The following GPAT3 variants were observed in gnomAD, a reference collection of about 807,000 sequenced individuals.
GPAT3 encodes the protein 1-AGP acyltransferase 9.
A neutral mutation model predicts 58.8 loss-of-function variants in GPAT3; 53 were observed. That is an observed-to-expected ratio of 0.90 (90% confidence interval 0.72 to 1.13). GPAT3 has a LOEUF of 1.13. GPAT3 is among the 50% of genes most tolerant of loss of function. The pLI is 0.00. For synonymous variants in GPAT3, 197 were observed against 187.4 expected (o/e 1.05, Z -0.42); for missense variants, 511 against 527.6 (o/e 0.97, Z 0.31).
chr4:83,547,414 A>C (rs552216396), intron 2 of GPAT3, among the ~76,000 whole-genome samples: 9 of 151,204 alleles, frequency 6.0e-5, no homozygotes, highest in Admixed American at 2.0e-4. Flanking sequence ...CACCACGCCC[A>C]GCTAATTTTT....
intron 2 of GPAT3, among the ~76,000 whole-genome samples, chr4:83,560,305 AC>A (rs933115682): frequency 1.5e-4 from 23 of 152,136 alleles, no homozygotes; most frequent in African/African-American, 5.3e-4. Flanking sequence ...CCTGCTCTTC[AC>A]CAGTTTGATC....
intron 2 of GPAT3, among the ~76,000 whole-genome samples, chr4:83,567,494 C>T (rs1168638007): frequency 2.0e-5 from 3 of 152,156 alleles, no homozygotes; most frequent in Admixed American, 6.5e-5. Context: ...ATTACCTGGT[C>T]ATAATATGAT....
chr4:83,540,597 T>A (rs1724263968), intron 1 of GPAT3, among the ~76,000 whole-genome samples: 1 of 152,216 alleles, frequency 6.6e-6, no homozygotes, highest in Admixed American at 6.5e-5. Flanking sequence ...GAGGCTACTT[T>A]GTGGCCTACT....
chr4:83,549,915 G>A (rs1373115276), intron 2 of GPAT3, among the ~76,000 whole-genome samples: 2 of 151,646 alleles, frequency 1.3e-5, no homozygotes. Flanking sequence ...TAGAGATGGG[G>A]TTTCACCATG....
intron 3 of GPAT3, among the ~76,000 whole-genome samples, chr4:83,583,415 A>G (rs1386447217): frequency 6.6e-6 from 1 of 152,090 alleles, no homozygotes; most frequent in Non-Finnish European, 1.5e-5. Flanking sequence ...CACACCTGTA[A>G]TACTAGCACT....
chr4:83,592,599 A>G (rs1726644826), intron 6 of GPAT3, among the ~76,000 whole-genome samples: 2 of 152,228 alleles, frequency 1.3e-5, no homozygotes, highest in African/African-American at 2.4e-5. Context: ...TACCTCACTC[A>G]GTGACTTTTC....
chr4:83,537,819 T>C (rs1374512541), intron 1 of GPAT3, among the ~76,000 whole-genome samples: 1 of 152,108 alleles, frequency 6.6e-6, no homozygotes, highest in Non-Finnish European at 1.5e-5. Flanking sequence ...GGACCCTGGA[T>C]ACAGGTTTGC....
chr4:83,561,538 GTTTAC>G (rs1725125966), intron 2 of GPAT3, among the ~76,000 whole-genome samples: 1 of 152,074 alleles, frequency 6.6e-6, no homozygotes, highest in Non-Finnish European at 1.5e-5. Context: ...AAATCAATGA[GTTTAC>G]TTGCCAGTGT....
intron 6 of GPAT3, among the ~76,000 whole-genome samples, chr4:83,592,157 G>A (rs1465147015): frequency 6.6e-6 from 1 of 152,174 alleles, no homozygotes; most frequent in Admixed American, 6.5e-5. Context: ...GGTCAACAAA[G>A]AGTTGAGTAT....
intron 10 of GPAT3, 193 bp from the exon 11 acceptor site, chr4:83,598,451 G>C (rs1726930285): frequency 1.4e-6 from 1 of 712,144 alleles, no homozygotes; most frequent in South Asian, 1.9e-5. Flanking sequence ...TATGCACATG[G>C]TAAAAAATTA....
In GPAT3 at chr4:83,595,072, CCTGTTTG is replaced by C. The variant is rs1279858445; in HGVS notation, c.854+118_854+124del. ...CTGAGTCTCAAAACTGAAACAGAGC[CCTGTTTG>C]CTGTTGGATTTTTCTGGCAAATCAC... On this transcript the variant is annotated intron_variant, in intron 7 of 11. Transcript: ENST00000264409. The C allele has an allele frequency of 4.6e-6, 4 of 861,962 alleles. No individual in the cohort carries two copies. The East Asian group carries it at 1.0e-4, about 22-fold the overall frequency. 53.4% of individuals were successfully genotyped at this position (861,962 alleles called of 1,614,324 possible). A position where few individuals can be genotyped will look rare whatever the true frequency, so the allele number is the denominator to read the frequency against.
chr4:83,600,239 C>T (rs1727007592), intron 11 of GPAT3, among the ~76,000 whole-genome samples: 1 of 152,140 alleles, frequency 6.6e-6, no homozygotes, highest in Non-Finnish European at 1.5e-5. Context: ...TAGCTGCATT[C>T]TCCTGTGTGC....
intron 2 of GPAT3, among the ~76,000 whole-genome samples, chr4:83,549,711 T>TTTATTATTATTATTATTATTATTATTA: frequency 1.4e-5 from 2 of 142,872 alleles, no homozygotes; most frequent in African/African-American, 5.3e-5. Flanking sequence ...TTTGTATATA[T>TTTATTATTATTATTATTATTATTATTA]TTATTATTAT....
chr4:83,550,892 T>A (rs1724725504), intron 2 of GPAT3, among the ~76,000 whole-genome samples: 2 of 152,242 alleles, frequency 1.3e-5, no homozygotes, highest in Admixed American at 1.3e-4. Flanking sequence ...ACTAGAGTAC[T>A]GTGCATTTTA....
chr4:83,579,067 TTTC>T (rs1725985648), intron 2 of GPAT3, among the ~76,000 whole-genome samples: 2 of 30,416 alleles, frequency 6.6e-5, no homozygotes, highest in Non-Finnish European at 1.3e-4. Context: ...TCTTTCTTTC[TTTC>T]TTTCTTTCTT....
chr4:83,559,296 AG>A (rs1381105789), intron 2 of GPAT3, among the ~76,000 whole-genome samples: 1 of 152,062 alleles, frequency 6.6e-6, no homozygotes, highest in Non-Finnish European at 1.5e-5. Flanking sequence ...TGGATTACTT[AG>A]TATATAAGCA....
intron 4 of GPAT3, among the ~76,000 whole-genome samples, chr4:83,587,889 CT>C (rs1184622944): frequency 6.6e-6 from 1 of 152,056 alleles, no homozygotes; most frequent in Non-Finnish European, 1.5e-5. Flanking sequence ...CTAAGAGAGT[CT>C]TATATATTGG....
intron 2 of GPAT3, among the ~76,000 whole-genome samples, chr4:83,571,353 A>G (rs557049502): frequency 2.0e-5 from 3 of 152,260 alleles, no homozygotes; most frequent in Non-Finnish European, 4.4e-5. Context: ...GCTACATGGT[A>G]TTCTAAAATG....
intron 11 of GPAT3, among the ~76,000 whole-genome samples, chr4:83,603,980 G>A (rs1426051847): frequency 2.6e-5 from 4 of 152,096 alleles, no homozygotes; most frequent in Non-Finnish European, 5.9e-5. Context: ...GACATAGGTA[G>A]ACGAAAAACC....
Sources: gnomAD v4.1 joint callset for allele counts (sites outside exome capture counted in the v4.1 genomes callset) on GRCh38, gnomAD v4.1.1 for gene constraint, MANE v1.5 for transcripts, NCBI Gene and HGNC (gene_info 2026-07-23, HGNC 2026-07-21) for gene names.